Variants in TNFSF15 observed in about 807,000 individuals in gnomAD.
The protein encoded by TNFSF15 is tumor necrosis factor ligand superfamily member 15.
A neutral mutation model predicts 26.4 loss-of-function variants in TNFSF15; 15 were observed. The ratio of observed to expected loss-of-function variants is 0.57; its 90% confidence interval spans 0.38 to 0.87. TNFSF15 has a LOEUF of 0.87. Ranked by LOEUF, TNFSF15 falls within the 40% of genes least tolerant of loss-of-function variation. The pLI is 0.00. For missense variants in TNFSF15, 290 were observed against 306.1 expected, an observed-to-expected ratio of 0.95 and a Z score of 0.39; for synonymous variants, 116 against 115.0, an observed-to-expected ratio of 1.01 and a Z score of -0.06.
intron 1 of TNFSF15, among the ~76,000 whole-genome samples, chr9:114,804,089 C>T (rs896223959): frequency 1.3e-5 from 2 of 152,230 alleles, no homozygotes; most frequent in Non-Finnish European, 2.9e-5. Flanking sequence ...TTCTGACACA[C>T]TAAGAAGTTA....
intron 1 of TNFSF15, among the ~76,000 whole-genome samples, chr9:114,800,536 G>T (rs1217897056): frequency 6.6e-6 from 1 of 152,168 alleles, no homozygotes; most frequent in Non-Finnish European, 1.5e-5. Context: ...ATTTAAATCC[G>T]TGTCACAGTC....
At chr9:114,798,139 T>C (rs1829695921) in intron 1 of TNFSF15, among the ~76,000 whole-genome samples, 1 of 152,226 alleles carries the variant, frequency 6.6e-6, no homozygotes, top group South Asian at 2.1e-4. Flanking sequence ...CATCAGGCTC[T>C]GTGTGGAGCA....
chr9:114,793,635 C>T (rs1465883804), intron 1 of TNFSF15, 67 bp from the exon 2 acceptor site: 7 of 1,467,948 alleles, frequency 4.8e-6, no homozygotes, highest in Non-Finnish European at 6.7e-6. Flanking sequence ...TACAGCTTCC[C>T]ATAGCACAGG....
In TNFSF15 at chr9:114,788,895, C is replaced by T. The variant is rs1267704178; in HGVS notation, c.*1557G>A. On this transcript the variant is annotated 3_prime_UTR_variant, in exon 4 of 4. Coordinates refer to ENST00000374045, the MANE Select transcript of TNFSF15 (RefSeq NM_005118.4). ...AATCATACGGACTAGAGGATATGAA[C>T]CCACTGAAGCACAGAAGGGACCTCC... 6.6e-6 allele frequency: 1 copy of T among 152,220 alleles called. No individual in the cohort carries two copies. Among genetic ancestry groups the T allele is most frequent in the African/African-American group, 2.4e-5 (1 of 41,446 alleles). The allele number at this position is 152,220 out of a possible 1,614,324, so 9.4% of individuals were successfully genotyped here. A position where few individuals can be genotyped will look rare whatever the true frequency, so the allele number is the denominator to read the frequency against.
chr9:114,793,901 A>T (rs917415410), intron 1 of TNFSF15, among the ~76,000 whole-genome samples: 3 of 152,210 alleles, frequency 2.0e-5, no homozygotes, highest in African/African-American at 7.2e-5. Flanking sequence ...AAATAATGGC[A>T]CTTGCTTTAT....
chr9:114,801,520 G>C (rs377373971), intron 1 of TNFSF15, among the ~76,000 whole-genome samples: 51 of 152,286 alleles, frequency 3.3e-4, no homozygotes, highest in African/African-American at 1.1e-3. Context: ...TGAAGAAGTT[G>C]TCTTCTATGA....
At position 114,788,459 on chromosome 9, in the gene TNFSF15, A is replaced by G. The variant is rs1829540849; in HGVS notation, c.*1993T>C. On this transcript the variant is annotated 3_prime_UTR_variant, in exon 4 of 4. Transcript: ENST00000374045. ...GTTAGAAAATATATTTAGAGCCTTA[A>G]CCTCCAAACTGAGAAATCAGAAATT... 6.5e-6 allele frequency: 1 copy of G among 152,928 alleles called. No individual in the cohort carries two copies. Among genetic ancestry groups the G allele is most frequent in the African/African-American group, 2.4e-5 (1 of 41,450 alleles). The allele number at this position is 152,928 out of a possible 1,614,324, so 9.5% of individuals were successfully genotyped here.
chr9:114,801,017 G>A (rs555957925), intron 1 of TNFSF15, among the ~76,000 whole-genome samples: 2 of 152,302 alleles, frequency 1.3e-5, no homozygotes, highest in African/African-American at 4.8e-5. Context: ...GGGAACCAAG[G>A]AGAATGTGGG....
At chr9:114,802,247 T>TTTTTTG (rs1587902182) in intron 1 of TNFSF15, among the ~76,000 whole-genome samples, 3 of 152,204 alleles carry the variant, frequency 2.0e-5, no homozygotes, top group South Asian at 2.1e-4. Flanking sequence ...GACTTTGGTT[T>TTTTTTG]TTTTTGTTTT....
In TNFSF15 at chr9:114,787,264, C is replaced by A. The variant is rs1829517356; in HGVS notation, c.*3188G>T. ...TTTTTAAAAAAACACTTCGAGTAAA[C>A]ACAAATCATTTTGTTAGTCATCAGC... is the stretch of plus-strand genomic sequence containing the variant. On this transcript the variant is annotated 3_prime_UTR_variant, in exon 4 of 4. Transcript: ENST00000374045. 6.6e-6 allele frequency: 1 copy of A among 152,148 alleles called. No homozygotes were observed. Among genetic ancestry groups the A allele is most frequent in the Admixed American group, 6.5e-5 (1 of 15,282 alleles). 9.4% of individuals were successfully genotyped at this position (152,148 alleles called of 1,614,324 possible).
chr9:114,805,822 T>C lies in TNFSF15; in HGVS notation c.191A>G (p.Glu64Gly). ...LLVSQLRAQGEACVQFQALKG... is the reference protein window; with the variant it reads ...LLVSQLRAQGGACVQFQALKG... The stretch of plus-strand genomic sequence containing the variant: ...GCTTACCTGGAACTGCACACAGGCC[T>C]CTCCCTGGGCCCGGAGCTGGCTGAC... The change falls in exon 1 of 4, where the codon GAG becomes GGG. Residue 64 changes from glutamate to glycine, a missense_variant. Transcript: ENST00000374045. The C allele has an allele frequency of 6.2e-7, 1 of 1,613,384 alleles. No individual in the cohort carries two copies. The highest frequency in any genetic ancestry group is 8.5e-7 in the Non-Finnish European group (1 of 1,180,026).
Position 114,786,167 on chromosome 9 carries a change from T to C in TNFSF15, c.*4285A>G, listed in dbSNP as rs1302388909. On this transcript the variant is annotated 3_prime_UTR_variant, in exon 4 of 4. Coordinates refer to ENST00000374045, the MANE Select transcript of TNFSF15 (RefSeq NM_005118.4). ...CAGCTGCCAATATGATGCAAAAATGTTAATATCCAGGATAAGGATGTACAC... is the reference window on the plus strand; with the variant it reads ...CAGCTGCCAATATGATGCAAAAATGCTAATATCCAGGATAAGGATGTACAC... 1 of 152,260 alleles carries C rather than the reference T, an allele frequency of 6.6e-6. No homozygotes were observed. Among genetic ancestry groups the C allele is most frequent in the African/African-American group, 2.4e-5 (1 of 41,456 alleles). The allele number at this position is 152,260 out of a possible 1,614,324, so 9.4% of individuals were successfully genotyped here.
At position 114,789,315 on chromosome 9, in the gene TNFSF15, T is replaced by G. The variant is rs564131168; in HGVS notation, c.*1137A>C. On this transcript the variant is annotated 3_prime_UTR_variant, in exon 4 of 4. Transcript: ENST00000374045. ...ATTTTTTAAAGGCTTGGAGTTATTA[T>G]TTTATTTTTTTTTTTTTGGACAGAG... 1 of 152,084 alleles carries G rather than the reference T, an allele frequency of 6.6e-6. No individual in the cohort carries two copies. Among genetic ancestry groups the G allele is most frequent in the Non-Finnish European group, 1.5e-5 (1 of 68,046 alleles). 9.4% of individuals were successfully genotyped at this position (152,084 alleles called of 1,614,324 possible).
chr9:114,799,539 G>T (rs1337644395), intron 1 of TNFSF15, among the ~76,000 whole-genome samples: 1 of 152,188 alleles, frequency 6.6e-6, no homozygotes, highest in Non-Finnish European at 1.5e-5. Flanking sequence ...GCTTCCTCAG[G>T]CTTTTGAACT....
chr9:114,793,873 T>C (rs1306519718), intron 1 of TNFSF15, among the ~76,000 whole-genome samples: 1 of 152,242 alleles, frequency 6.6e-6, no homozygotes, highest in Non-Finnish European at 1.5e-5. Flanking sequence ...ATCTTGTCTA[T>C]GCTTTTGTTA....
Position 114,785,781 on chromosome 9 carries a change from A to G in TNFSF15, c.*4671T>C, listed in dbSNP as rs908923532. 2.6e-5 allele frequency: 4 copies of G among 152,234 alleles called. No individual in the cohort carries two copies. The highest frequency in any genetic ancestry group is 4.8e-5 in the African/African-American group (2 of 41,444). 9.4% of individuals were successfully genotyped at this position (152,234 alleles called of 1,614,324 possible). A position where few individuals can be genotyped will look rare whatever the true frequency, so the allele number is the denominator to read the frequency against. ...TGTTGTCCTACAGGTGTTTGAAAAT[A>G]CTTGTCCCATCTTCCTTCAAATCAC... On this transcript the variant is annotated 3_prime_UTR_variant, in exon 4 of 4. Transcript: ENST00000374045.
At chr9:114,804,919 CT>C (rs1829797814) in intron 1 of TNFSF15, among the ~76,000 whole-genome samples, 1 of 152,096 alleles carries the variant, frequency 6.6e-6, no homozygotes, top group Admixed American at 6.5e-5. Flanking sequence ...ATACTTTGAA[CT>C]GAAATGAAAT....
intron 1 of TNFSF15, among the ~76,000 whole-genome samples, chr9:114,802,292 A>G (rs778546714): frequency 1.3e-5 from 2 of 152,132 alleles, no homozygotes; most frequent in Non-Finnish European, 2.9e-5. Flanking sequence ...TTGCTCTGTC[A>G]CCCAGGCTGG....
rs1220324106 is a variant in TNFSF15 at position 114,788,543 on chromosome 9, A to C, written c.*1909T>G. On this transcript the variant is annotated 3_prime_UTR_variant, in exon 4 of 4. Transcript: ENST00000374045. ...ATGAAGTGCTCCTGCTACACTGGAC[A>C]CTTTGCTCAGGAGCCTCTCAAATGC... The C allele has an allele frequency of 1.3e-5, 2 of 152,228 alleles. No homozygotes were observed. Among genetic ancestry groups the C allele is most frequent in the Non-Finnish European group, 2.9e-5 (2 of 68,036 alleles). 9.4% of individuals were successfully genotyped at this position (152,228 alleles called of 1,614,324 possible).
Sources: allele counts gnomAD v4.1 joint callset (sites outside exome capture counted in the v4.1 genomes callset), GRCh38; gene constraint gnomAD v4.1.1; transcripts MANE v1.5; gene names NCBI Gene and HGNC (gene_info 2026-07-23, HGNC 2026-07-21).